Variants in FAM227B observed in about 807,000 individuals in gnomAD.
FAM227B encodes protein FAM227B.
In FAM227B, 88 loss-of-function variants were observed where a neutral mutation model predicts 73.8. The observed-to-expected ratio is 1.19, with a 90% confidence interval of 1.00 to 1.42. The LOEUF (loss-of-function observed/expected upper bound fraction) is 1.42, where lower values mean the gene tolerates loss of function less well. Ranked by LOEUF, FAM227B falls within the 40% of genes most tolerant of loss-of-function variation. FAM227B has a pLI of 0.00. For missense variants in FAM227B, 632 were observed against 590.9 expected (o/e 1.07, Z -0.72); for synonymous variants, 210 against 190.5 (o/e 1.10, Z -0.84).
rs1217012246 is a variant in FAM227B at position 49,477,150 on chromosome 15, T to A, written c.1012+31061A>T. 2.0e-5 allele frequency among the ~76,000 whole-genome samples: 3 copies of A among 152,282 alleles called. No individual in the cohort carries two copies. The East Asian group carries it at 5.8e-4, about 29-fold the overall frequency. On this transcript the variant is annotated intron_variant, in intron 11 of 15. Transcript: ENST00000299338. Reference sequence around the variant, plus strand: ...TTCCTCCATTATAAATATCTTGCACTAATGTGGCACATTTATTACAACAGA... The same window carrying A: ...TTCCTCCATTATAAATATCTTGCACAAATGTGGCACATTTATTACAACAGA...
intron 11 of FAM227B, among the ~76,000 whole-genome samples, chr15:49,416,653 A>G (rs2049231907): frequency 6.6e-6 from 1 of 152,116 alleles, no homozygotes; most frequent in Admixed American, 6.6e-5. Context: ...AAATAACTTT[A>G]GCAAAGTTTC....
rs2056707439 is a variant in FAM227B at position 49,489,601 on chromosome 15, T to C, written c.1012+18610A>G. 2.7e-5 allele frequency among the ~76,000 whole-genome samples: 4 copies of C among 150,782 alleles called. No individual in the cohort carries two copies. The East Asian group carries it at 7.8e-4, about 29-fold the overall frequency. On this transcript the variant is annotated intron_variant, in intron 11 of 15. Coordinates refer to ENST00000299338, the MANE Select transcript of FAM227B (RefSeq NM_152647.3). Reference sequence around the variant, plus strand: ...AGAGAATAAGATCATAGATGCCAGCTGGAATTCCTCTAGGCCATAGAGTGT... The same window carrying C: ...AGAGAATAAGATCATAGATGCCAGCCGGAATTCCTCTAGGCCATAGAGTGT...
At chr15:49,388,874 A>T (rs2047039089) in intron 11 of FAM227B, among the ~76,000 whole-genome samples, 1 of 152,018 alleles carries the variant, frequency 6.6e-6, no homozygotes, top group African/African-American at 2.4e-5. Flanking sequence ...TGGTCAATAA[A>T]TATATGAAAA....
chr15:49,547,070 A>G (rs1484273420), intron 9 of FAM227B, among the ~76,000 whole-genome samples: 1 of 152,236 alleles, frequency 6.6e-6, no homozygotes, highest in Admixed American at 6.5e-5. Flanking sequence ...CCATCAGACT[A>G]ACAGCGGATC....
intron 11 of FAM227B, among the ~76,000 whole-genome samples, chr15:49,431,556 G>A (rs1350006401): frequency 1.3e-5 from 2 of 151,760 alleles, no homozygotes; most frequent in South Asian, 2.1e-4. Flanking sequence ...TGTATACTGG[G>A]GAGAATTGGC....
chr15:49,375,612 A>G (rs2046109453), intron 11 of FAM227B, among the ~76,000 whole-genome samples: 1 of 152,142 alleles, frequency 6.6e-6, no homozygotes, highest in Non-Finnish European at 1.5e-5. Context: ...GTAGCTTTTA[A>G]GCTTAAGATT....
chr15:49,447,813 A>G (rs1001799464), intron 11 of FAM227B, among the ~76,000 whole-genome samples: 1 of 151,790 alleles, frequency 6.6e-6, no homozygotes, highest in African/African-American at 2.4e-5. Context: ...TGGAGAAAAC[A>G]TGAAAACATA....
chr15:49,413,191 G>A (rs547654888), intron 11 of FAM227B, among the ~76,000 whole-genome samples: 1 of 152,174 alleles, frequency 6.6e-6, no homozygotes, highest in Non-Finnish European at 1.5e-5. Flanking sequence ...TGTTGTGGGA[G>A]GGACCTGGTG....
At chr15:49,390,947 T>G (rs1379919514) in intron 11 of FAM227B, among the ~76,000 whole-genome samples, 1 of 151,912 alleles carries the variant, frequency 6.6e-6, no homozygotes, top group African/African-American at 2.4e-5. Context: ...GAAAGAACTG[T>G]CCTTAGGAAG....
At chr15:49,341,567 G>C (rs764079385) in intron 13 of FAM227B, among the ~76,000 whole-genome samples, 1 of 152,124 alleles carries the variant, frequency 6.6e-6, no homozygotes, top group Non-Finnish European at 1.5e-5. Context: ...GCCCAGGCTG[G>C]TCTCAAACTC....
At chr15:49,613,632 T>C (rs1014301435) in intron 2 of FAM227B, among the ~76,000 whole-genome samples, 2 of 152,230 alleles carry the variant, frequency 1.3e-5, no homozygotes, top group Non-Finnish European at 2.9e-5. Context: ...ATAATTGGAA[T>C]GTCTACAACA....
At chr15:49,338,666 TTGGCCTGCCTTGC>T (rs200924420) in intron 13 of FAM227B, among the ~76,000 whole-genome samples, 25,867 of 152,120 alleles carry the variant, frequency 0.17, 2,437 homozygotes, top group Non-Finnish European at 0.21. Flanking sequence ...AATTTGAATG[TTGGCCTGCCTTGC>T]TAGGTTGGGG....
At chr15:49,601,346 T>C (rs1270925539) in intron 3 of FAM227B, among the ~76,000 whole-genome samples, 1 of 151,950 alleles carries the variant, frequency 6.6e-6, no homozygotes, top group East Asian at 1.9e-4. Context: ...TTACAGTTAT[T>C]ATGTTATATT....
chr15:49,396,261 T>C (rs1013874901), intron 11 of FAM227B: 23 of 398,116 alleles, frequency 5.8e-5, no homozygotes, highest in Non-Finnish European at 1.0e-4. Context: ...ATCGTGTCAC[T>C]CCCACCTGAA....
intron 13 of FAM227B, among the ~76,000 whole-genome samples, chr15:49,354,705 C>G: frequency 6.6e-6 from 1 of 152,180 alleles, no homozygotes; most frequent in Non-Finnish European, 1.5e-5. Context: ...GTAAACAAAA[C>G]AGTCGGGAAG....
intron 3 of FAM227B, among the ~76,000 whole-genome samples, chr15:49,610,012 T>C (rs1436719613): frequency 1.3e-5 from 2 of 151,958 alleles, no homozygotes; most frequent in South Asian, 2.1e-4. Flanking sequence ...TAATAAGACA[T>C]GGTTTGATTT....
intron 11 of FAM227B, among the ~76,000 whole-genome samples, chr15:49,429,895 A>T (rs2050445720): frequency 6.6e-6 from 1 of 151,914 alleles, no homozygotes; most frequent in Non-Finnish European, 1.5e-5. Flanking sequence ...TTCTCCAATG[A>T]TTCTAAAGTG....
chr15:49,476,049 C>T (rs1255214940), intron 11 of FAM227B, among the ~76,000 whole-genome samples: 3 of 152,076 alleles, frequency 2.0e-5, no homozygotes, highest in Admixed American at 2.0e-4. Flanking sequence ...GCTTCCATGG[C>T]CTTGCACATA....
chr15:49,358,960 CA>C (rs1386018483), intron 13 of FAM227B, among the ~76,000 whole-genome samples: 1 of 148,630 alleles, frequency 6.7e-6, no homozygotes, highest in Non-Finnish European at 1.5e-5. Flanking sequence ...TGATCTTTGA[CA>C]AACCTGAGAA....
Sources: allele counts gnomAD v4.1 joint callset (sites outside exome capture counted in the v4.1 genomes callset), GRCh38; gene constraint gnomAD v4.1.1; transcripts MANE v1.5; gene names NCBI Gene and HGNC (gene_info 2026-07-23, HGNC 2026-07-21).